SARS1: variants seen among roughly 807,000 people sequenced by gnomAD.
The protein encoded by SARS1 is seryl-tRNA synthetase 1.
SARS1 carries 25 observed loss-of-function variants against 63.7 expected under a neutral mutation model. The observed-to-expected ratio is 0.39, with a 90% confidence interval of 0.29 to 0.55. SARS1 has a LOEUF of 0.55. SARS1 is among the 20% of genes least tolerant of loss of function. SARS1 has a pLI of 0.62. For missense variants in SARS1, 417 were observed against 649.7 expected, an observed-to-expected ratio of 0.64 and a Z score of 3.89; for synonymous variants, 231 against 243.5, an observed-to-expected ratio of 0.95 and a Z score of 0.48.
rs553222967 is a variant in SARS1, at chr1:109,214,604, C to G, written c.136+476C>G. 34 of 985,970 alleles carry G rather than the reference C, an allele frequency of 3.4e-5. 1 individual carries two copies. The South Asian group carries it at 1.2e-3, about 35-fold the overall frequency. 61.1% of individuals were successfully genotyped at this position (985,970 alleles called of 1,614,324 possible). A position where few individuals can be genotyped will look rare whatever the true frequency, so the allele number is the denominator to read the frequency against. The stretch of plus-strand genomic sequence containing the variant: ...CTGCAACACAGTAGATTCATTCCTT[C>G]GGTATCGGAAGCATTTCGGGGCGTT... On this transcript the variant is annotated intron_variant, in intron 1 of 10. Coordinates refer to ENST00000234677, the MANE Select transcript of SARS1 (RefSeq NM_006513.4). This position sits in a 1 kb window ranked among gnomAD's most constrained non-coding sequence, Gnocchi z 4.6.
chr1:109,217,281 C>A, intron 1 of SARS1: 1 of 364,532 alleles, frequency 2.7e-6, no homozygotes, highest in Non-Finnish European at 3.8e-6. Context: ...CTTAGCCAAG[C>A]CTACCTTAAA....
At chr1:109,236,985 T>C (rs1655324768) in intron 9 of SARS1, 10 of 1,357,896 alleles carry the variant, frequency 7.4e-6, no homozygotes, top group Admixed American at 4.0e-5. Context: ...CTTCCTTCCC[T>C]CAAAGGGCCC....
chr1:109,219,009 G>A (rs1298375540), intron 1 of SARS1, among the ~76,000 whole-genome samples: 1 of 151,864 alleles, frequency 6.6e-6, no homozygotes, highest in Non-Finnish European at 1.5e-5. Flanking sequence ...GCTCACACCT[G>A]TAATCCCAGC....
In SARS1 at chr1:109,237,447, A is replaced by G. The variant is rs1449291375; in HGVS notation, c.1387+74A>G. The G allele has an allele frequency of 2.5e-6, 4 of 1,596,118 alleles. No homozygotes were observed. Among genetic ancestry groups the G allele is most frequent in the Non-Finnish European group, 3.4e-6 (4 of 1,168,408 alleles). ...CTCTTCTAAATAGCAGTCCCCTTTC[A>G]GGATATACCAGGTTTTTTTGTTCAG... On this transcript the variant is annotated intron_variant, in intron 10 of 10. Transcript: ENST00000234677. This position sits in a 1 kb window ranked among gnomAD's most constrained non-coding sequence, Gnocchi z 4.1.
intron 1 of SARS1, among the ~76,000 whole-genome samples, chr1:109,222,471 A>G (rs1241806578): frequency 6.6e-6 from 1 of 152,168 alleles, no homozygotes; most frequent in Admixed American, 6.5e-5. Context: ...CATCACCACA[A>G]AGATCCTTCT....
intron 5 of SARS1, 40 bp downstream of exon 5, chr1:109,231,061 G>C: frequency 8.5e-7 from 1 of 1,173,982 alleles, no homozygotes. Flanking sequence ...TTATGAAAAA[G>C]AAACAAAATA....
At chr1:109,230,801 T>G (rs1423035169) in intron 4 of SARS1, 77 bp from the exon 5 acceptor site, 5 of 1,337,890 alleles carry the variant, frequency 3.7e-6, no homozygotes, top group Non-Finnish European at 4.1e-6. Flanking sequence ...TAAGACCCTG[T>G]CTCCAAAAAA....
At chr1:109,236,621 G>A in intron 9 of SARS1, 73 bp downstream of exon 9, 1 of 1,550,118 alleles carries the variant, frequency 6.5e-7, no homozygotes, top group African/African-American at 1.4e-5. Context: ...CTCAGCCTTT[G>A]GGGTGCACTG....
chr1:109,230,297 C>T (rs950900449), intron 4 of SARS1, among the ~76,000 whole-genome samples: 1 of 151,786 alleles, frequency 6.6e-6, no homozygotes, highest in Non-Finnish European at 1.5e-5. Flanking sequence ...CAAAAAAAAC[C>T]CCCGAGAGAA....
intron 8 of SARS1, 139 bp from the exon 9 acceptor site, chr1:109,236,252 T>A: frequency 1.6e-6 from 2 of 1,276,174 alleles, no homozygotes; most frequent in Non-Finnish European, 2.2e-6. Context: ...CACTTGGGAG[T>A]ATTTGGTGTT....
intron 6 of SARS1, among the ~76,000 whole-genome samples, chr1:109,234,300 A>T (rs1655266310): frequency 6.6e-6 from 1 of 152,182 alleles, no homozygotes. Flanking sequence ...CTGGGATTAC[A>T]GGCATGAGCC....
chr1:109,226,709 C>T lies in SARS1; in HGVS notation c.208-1643C>T, dbSNP rs1336867547. On this transcript the variant is annotated intron_variant, in intron 2 of 10. Coordinates refer to ENST00000234677, the MANE Select transcript of SARS1 (RefSeq NM_006513.4). ...ATATATATATATATACACACACACA[C>T]ACACACACACACACACACATATATA... Among the ~76,000 whole-genome samples, 87 of 45,226 alleles carry T rather than the reference C, an allele frequency of 1.9e-3. 1 individual carries two copies. The highest frequency in any genetic ancestry group is 3.0e-3 in the African/African-American group (49 of 16,326). The allele number at this position is 45,226 out of a possible 152,430, so 29.7% of individuals were successfully genotyped here. A position where few individuals can be genotyped will look rare whatever the true frequency, so the allele number is the denominator to read the frequency against.
chr1:109,231,142 G>A, intron 5 of SARS1, 121 bp downstream of exon 5: 1 of 578,010 alleles, frequency 1.7e-6, no homozygotes, highest in Non-Finnish European at 2.4e-6. Context: ...AGATCTACCA[G>A]TTGTACTTGC....
rs1655299956 is a variant in SARS1 at position 109,236,027 on chromosome 1, G to A, written c.1020G>A (p.Met340Ile). The change falls in exon 8 of 11, where the codon ATG (methionine) becomes ATA (isoleucine). Residue 340 changes from methionine (M) to isoleucine (I), a missense_variant. Coordinates refer to ENST00000234677, the MANE Select transcript of SARS1 (RefSeq NM_006513.4). Reference sequence around the variant, plus strand: ...CCCATGACAACAAGTCATGGGAGATGTTTGAAGAGATGATTACCACCGCAG... The same window carrying A: ...CCCATGACAACAAGTCATGGGAGATATTTGAAGAGATGATTACCACCGCAG... Reference protein sequence around the residue: ...SSPHDNKSWEMFEEMITTAEE... With the variant: ...SSPHDNKSWEIFEEMITTAEE... The A allele has an allele frequency of 6.2e-7, 1 of 1,613,898 alleles. No individual in the cohort carries two copies. Among genetic ancestry groups the A allele is most frequent in the African/African-American group, 1.3e-5 (1 of 75,036 alleles).
chr1:109,236,864 CAAG>C (rs748028589), intron 9 of SARS1: 13 of 1,599,868 alleles, frequency 8.1e-6, no homozygotes, highest in South Asian at 1.1e-5. Context: ...TCTTCTCACC[CAAG>C]AAGGTCTGGG....
At chr1:109,229,289 C>A in intron 3 of SARS1, 125 bp from the exon 4 acceptor site, 1 of 935,980 alleles carries the variant, frequency 1.1e-6, no homozygotes. Flanking sequence ...TCTTCGTTTC[C>A]AGTTTTTAAA....
chr1:109,233,767 G>GCT (rs1305622127), intron 6 of SARS1, among the ~76,000 whole-genome samples: 1 of 151,462 alleles, frequency 6.6e-6, no homozygotes, highest in Non-Finnish European at 1.5e-5. Context: ...CACGATCTTG[G>GCT]CTCACTGCAA....
At chr1:109,228,259 T>G (rs948022038) in intron 2 of SARS1, 93 bp from the exon 3 acceptor site, 19 of 929,920 alleles carry the variant, frequency 2.0e-5, no homozygotes, top group Middle Eastern at 2.2e-4. Context: ...CTGTGATTCA[T>G]TTATATAATA....
chr1:109,236,853 C>T (rs1655322113), intron 9 of SARS1: 1 of 1,601,544 alleles, frequency 6.2e-7, no homozygotes, highest in Admixed American at 1.7e-5. Context: ...GGAGGCTTCC[C>T]TCTTCTCACC....
Sources: allele counts gnomAD v4.1 joint callset (sites outside exome capture counted in the v4.1 genomes callset), GRCh38; gene constraint gnomAD v4.1.1; non-coding constraint Gnocchi (gnomAD v3.1); transcripts MANE v1.5; gene names NCBI Gene and HGNC (gene_info 2026-07-23, HGNC 2026-07-21).